KDM1A: variants seen among roughly 807,000 people sequenced by gnomAD.
KDM1A encodes the protein lysine-specific histone demethylase 1A.
KDM1A carries 49 observed loss-of-function variants against 109.4 expected under a neutral mutation model. That is an observed-to-expected ratio of 0.45 (90% CI 0.36 to 0.57). The LOEUF is 0.57. Ranked by LOEUF, KDM1A falls within the 20% of genes least tolerant of loss-of-function variation. The pLI, the probability that KDM1A is intolerant of heterozygous loss-of-function variation, is 0.00. For missense variants in KDM1A, 668 were observed against 1,116.6 expected, an observed-to-expected ratio of 0.60 and a Z score of 5.73; for synonymous variants, 380 against 415.4, an observed-to-expected ratio of 0.91 and a Z score of 1.04.
chr1:23,058,699 T>C (rs1381635831), intron 8 of KDM1A, among the ~76,000 whole-genome samples: 1 of 152,172 alleles, frequency 6.6e-6, no homozygotes, highest in African/African-American at 2.4e-5. Flanking sequence ...TAGAATATTA[T>C]ACGATGAGAA....
rs78995893 is a variant in KDM1A, at chr1:23,022,987, T to C, written c.351+3040T>C. 2.4e-3 allele frequency among the ~76,000 whole-genome samples: 372 copies of C among 152,294 alleles called. 5 individuals are homozygous for C. The highest frequency in any genetic ancestry group is 8.3e-3 in the African/African-American group (343 of 41,540). ...TATCCTTCTTGACATTTAATATTGT[T>C]TGTCTTTTACTGTAGCCATCCTATT... On this transcript the variant is annotated intron_variant, in intron 1 of 20. Coordinates refer to ENST00000400181, the MANE Select transcript of KDM1A (RefSeq NM_001009999.3).
rs769934561 is a variant in KDM1A at position 23,053,848 on chromosome 1, T to C, written c.790+9T>C. 6.8e-7 allele frequency: 1 copy of C among 1,479,538 alleles called. No homozygotes were observed. Among genetic ancestry groups the C allele is most frequent in the Non-Finnish European group, 9.5e-7 (1 of 1,057,600 alleles). The allele number at this position is 1,479,538 out of a possible 1,614,324, so 91.7% of individuals were successfully genotyped here. A position where few individuals can be genotyped will look rare whatever the true frequency, so the allele number is the denominator to read the frequency against. ...AGAAGCACCTTATAACAGTAAGTAG[T>C]GTGTTCAATAGGACTAATTTGTACT... is the stretch of plus-strand genomic sequence containing the variant. On this transcript the variant is annotated intron_variant, in intron 5 of 20. Transcript: ENST00000400181.
chr1:23,027,672 T>C (rs1641850338), intron 1 of KDM1A, among the ~76,000 whole-genome samples: 1 of 151,630 alleles, frequency 6.6e-6, no homozygotes, highest in Non-Finnish European at 1.5e-5. Flanking sequence ...TCCTACACTT[T>C]CTTCCTTCCA....
At chr1:23,060,181 G>A (rs2124482246) in intron 9 of KDM1A, among the ~76,000 whole-genome samples, 1 of 152,262 alleles carries the variant, frequency 6.6e-6, no homozygotes, top group East Asian at 1.9e-4. Flanking sequence ...AAATAGAGAT[G>A]AACTCAACAA....
chr1:23,020,618 A>G (rs1296820620), intron 1 of KDM1A: 1 of 152,164 alleles, frequency 6.6e-6, no homozygotes, highest in Non-Finnish European at 1.5e-5. Flanking sequence ...TTGACTCCAA[A>G]CAGTATATAC....
intron 19 of KDM1A, 22 bp from the exon 20 acceptor site, chr1:23,082,198 T>C: frequency 6.2e-7 from 1 of 1,611,826 alleles, no homozygotes; most frequent in Non-Finnish European, 8.5e-7. Context: ...GTAATGACTT[T>C]TGCTCCTGGT....
At chr1:23,083,068 G>A (rs1404996715) in intron 20 of KDM1A, 111 bp from the exon 21 acceptor site, 1 of 909,714 alleles carries the variant, frequency 1.1e-6, no homozygotes, top group Admixed American at 2.4e-5. Context: ...ATAGTAATTG[G>A]GGGGGTCAGC....
At chr1:23,021,288 A>G (rs1404996108) in intron 1 of KDM1A, among the ~76,000 whole-genome samples, 1 of 152,222 alleles carries the variant, frequency 6.6e-6, no homozygotes, top group Middle Eastern at 3.2e-3. Context: ...CAGAAATGAA[A>G]TAAAGGGCAG....
At chr1:23,043,824 A>G (rs1569698318) in intron 2 of KDM1A, among the ~76,000 whole-genome samples, 1 of 152,328 alleles carries the variant, frequency 6.6e-6, no homozygotes, top group East Asian at 1.9e-4. Flanking sequence ...GTGTTTATCT[A>G]CAGTACTTGG....
chr1:23,035,029 T>C (rs1401704726), intron 2 of KDM1A, among the ~76,000 whole-genome samples: 3 of 152,198 alleles, frequency 2.0e-5, no homozygotes, highest in African/African-American at 4.8e-5. Flanking sequence ...TTTTTTTAGA[T>C]GTGATTGGTA....
chr1:23,065,977 T>G lies in KDM1A; in HGVS notation c.1168-83T>G. The G allele has an allele frequency of 7.0e-6, 11 of 1,573,422 alleles. No individual in the cohort carries two copies. The South Asian group carries it at 1.3e-4, about 19-fold the overall frequency. Reference sequence around the variant, plus strand: ...TATGTGTTTAAAGCCTTGATTTTATTGCTGTCATACAAAACTAAACTTGAT... The same window carrying G: ...TATGTGTTTAAAGCCTTGATTTTATGGCTGTCATACAAAACTAAACTTGAT... On this transcript the variant is annotated intron_variant, in intron 9 of 20. Transcript: ENST00000400181.
intron 5 of KDM1A, among the ~76,000 whole-genome samples, chr1:23,054,453 G>A (rs979938232): frequency 4.6e-5 from 7 of 152,120 alleles, no homozygotes; most frequent in African/African-American, 1.7e-4. Context: ...ATTTTGGCCT[G>A]CTTCACAGAC....
intron 12 of KDM1A, among the ~76,000 whole-genome samples, chr1:23,070,712 G>A (rs1643292623): frequency 2.0e-5 from 3 of 151,836 alleles, no homozygotes; most frequent in African/African-American, 7.3e-5. Context: ...GGAAGCTGAG[G>A]CAGGAGAATG....
intron 2 of KDM1A, among the ~76,000 whole-genome samples, chr1:23,031,378 T>C (rs373579860): frequency 1.1e-4 from 16 of 152,300 alleles, no homozygotes; most frequent in African/African-American, 3.8e-4. Flanking sequence ...ACTTTGAATT[T>C]TTACTAAGTT....
At chr1:23,063,209 T>A (rs147453274) in intron 9 of KDM1A, among the ~76,000 whole-genome samples, 1 of 25,418 alleles carries the variant, frequency 3.9e-5, no homozygotes, top group Non-Finnish European at 9.9e-5. Context: ...GGGGGGGGTG[T>A]GGTGTGGGGT....
chr1:23,075,429 G>T (rs930737509), intron 15 of KDM1A, among the ~76,000 whole-genome samples: 17 of 151,654 alleles, frequency 1.1e-4, no homozygotes, highest in Non-Finnish European at 1.9e-4. Flanking sequence ...AAATTAGCCG[G>T]GCATGGTGGC....
At chr1:23,056,615 A>G (rs909642303) in intron 7 of KDM1A, among the ~76,000 whole-genome samples, 1 of 152,104 alleles carries the variant, frequency 6.6e-6, no homozygotes, top group Non-Finnish European at 1.5e-5. Flanking sequence ...CTAATTTTTT[A>G]AAAGAGTATG....
intron 3 of KDM1A, among the ~76,000 whole-genome samples, chr1:23,049,896 A>G (rs1454807378): frequency 6.6e-6 from 1 of 152,188 alleles, no homozygotes; most frequent in East Asian, 1.9e-4. Flanking sequence ...GCGTTGAATT[A>G]TGATTACTAA....
At chr1:23,068,465 A>C in intron 10 of KDM1A, 74 bp from the exon 11 acceptor site, 2 of 1,244,170 alleles carry the variant, frequency 1.6e-6, no homozygotes, top group Non-Finnish European at 2.2e-6. Flanking sequence ...TATAAACTAT[A>C]GAGCATTTGT....
Sources: allele counts gnomAD v4.1 joint callset (sites outside exome capture counted in the v4.1 genomes callset), GRCh38; gene constraint gnomAD v4.1.1; transcripts MANE v1.5; gene names NCBI Gene and HGNC (gene_info 2026-07-23, HGNC 2026-07-21).